RTN1: variants seen among roughly 807,000 people sequenced by gnomAD.
RTN1 encodes reticulon 1, also known as reticulon-1.
A neutral mutation model predicts 65.5 loss-of-function variants in RTN1; 25 were observed. The ratio of observed to expected loss-of-function variants is 0.38; its 90% CI spans 0.28 to 0.53. RTN1 has a LOEUF of 0.53. Among genes scored for constraint, RTN1 ranks in the 20% least tolerant of loss-of-function variants. RTN1 has a pLI of 0.79. For synonymous variants in RTN1, 471 were observed against 447.6 expected (o/e 1.05, Z -0.66); for missense variants, 983 against 1,025.4 (o/e 0.96, Z 0.57).
Position 59,840,434 on chromosome 14 carries a change from G to A in RTN1, c.241+29956C>T, listed in dbSNP as rs1043593114. Among the ~76,000 whole-genome samples the A allele has an allele frequency of 2.0e-5, 3 of 152,120 alleles. 1 individual carries two copies. Among genetic ancestry groups the A allele is most frequent in the African/African-American group, 2.4e-5 (1 of 41,440 alleles). ...TGACTAGCTCCTTCTTTTTTCAGTT[G>A]TGTGATCTTGGGCACAATCTTATAT... On this transcript the variant is annotated intron_variant, in intron 1 of 8. Coordinates refer to ENST00000267484, the MANE Select transcript of RTN1 (RefSeq NM_021136.3).
intron 3 of RTN1, among the ~76,000 whole-genome samples, chr14:59,659,910 T>C (rs564827865): frequency 6.6e-6 from 1 of 151,722 alleles, no homozygotes; most frequent in African/African-American, 2.4e-5. Context: ...TAAATGTAAA[T>C]GGGCTAAATG....
chr14:59,623,386 C>G (rs1197959083), intron 3 of RTN1, among the ~76,000 whole-genome samples: 13 of 152,314 alleles, frequency 8.5e-5, no homozygotes, highest in Non-Finnish European at 7.4e-5. Context: ...AGTGAAACAA[C>G]AGGTCCTGTG....
At chr14:59,843,813 G>A (rs1286750094) in intron 1 of RTN1, among the ~76,000 whole-genome samples, 4 of 152,146 alleles carry the variant, frequency 2.6e-5, no homozygotes, top group Non-Finnish European at 4.4e-5. Context: ...TTGGAGTTTT[G>A]TCACTAATGT....
chr14:59,729,155 C>A (rs1273844181), intron 2 of RTN1, among the ~76,000 whole-genome samples: 3 of 152,132 alleles, frequency 2.0e-5, no homozygotes, highest in Non-Finnish European at 4.4e-5. Context: ...GCACGTCATG[C>A]AGAGGAAAAC....
At position 59,794,039 on chromosome 14, in the gene RTN1, G is replaced by A. The variant is rs368036235; in HGVS notation, c.242-47558C>T. On this transcript the variant is annotated intron_variant, in intron 1 of 8. Coordinates refer to ENST00000267484, the MANE Select transcript of RTN1 (RefSeq NM_021136.3). This position sits in a 1 kb window ranked among gnomAD's most constrained non-coding sequence, Gnocchi z 5.1. ...TCCTCTCCCACTGAGTACCGGCCAT[G>A]AATCTTGAGTTAGACTGACCCTTCC... Among the ~76,000 whole-genome samples the A allele has an allele frequency of 2.6e-5, 4 of 152,138 alleles. No homozygotes were observed. In the South Asian group the frequency reaches 8.3e-4, roughly 32 times the overall value.
At chr14:59,863,970 T>C (rs1887754905) in intron 1 of RTN1, among the ~76,000 whole-genome samples, 1 of 152,190 alleles carries the variant, frequency 6.6e-6, no homozygotes, top group Non-Finnish European at 1.5e-5. Flanking sequence ...CCATGATTTC[T>C]TTCTCAGATT....
intron 1 of RTN1, among the ~76,000 whole-genome samples, chr14:59,752,403 C>T (rs1474840425): frequency 6.6e-6 from 1 of 152,048 alleles, no homozygotes; most frequent in Non-Finnish European, 1.5e-5. Context: ...TTCATGAGAG[C>T]TCTGCCCTTG....
chr14:59,626,591 C>T (rs949694502), intron 3 of RTN1, among the ~76,000 whole-genome samples: 1 of 152,202 alleles, frequency 6.6e-6, no homozygotes, highest in Non-Finnish European at 1.5e-5. Flanking sequence ...CCTAGTACAA[C>T]ACCATTCGGA....
chr14:59,610,605 C>T (rs1881917577), intron 3 of RTN1, among the ~76,000 whole-genome samples: 1 of 152,196 alleles, frequency 6.6e-6, no homozygotes, highest in South Asian at 2.1e-4. Flanking sequence ...TCCAAGCTGT[C>T]CTTGTTCATT....
At position 59,823,275 on chromosome 14, in the gene RTN1, CT is replaced by C. The variant is rs994311550; in HGVS notation, c.241+47114del. Reference sequence around the variant, plus strand: ...ATTATGTAATGTCCTTCCTTGTCCCCTTTTTTTTTTAAATCATCATTGGTTT... The same window carrying C: ...ATTATGTAATGTCCTTCCTTGTCCCCTTTTTTTTTAAATCATCATTGGTTT... On this transcript the variant is annotated intron_variant, in intron 1 of 8. Coordinates refer to ENST00000267484, the MANE Select transcript of RTN1 (RefSeq NM_021136.3). Among the ~76,000 whole-genome samples the C allele has an allele frequency of 3.2e-4, 48 of 148,556 alleles. No individual in the cohort carries two copies. The East Asian group carries it at 6.1e-3, about 19-fold the overall frequency.
At chr14:59,781,353 G>A (rs1886152246) in intron 1 of RTN1, among the ~76,000 whole-genome samples, 1 of 151,988 alleles carries the variant, frequency 6.6e-6, no homozygotes, top group African/African-American at 2.4e-5. Flanking sequence ...GTCATTGACT[G>A]TTTATGTTCC....
chr14:59,748,191 G>T (rs997777113), intron 1 of RTN1, among the ~76,000 whole-genome samples: 2 of 144,880 alleles, frequency 1.4e-5, no homozygotes, highest in Admixed American at 7.1e-5. Flanking sequence ...GCTTTGCCCC[G>T]ATTAAGTCAG....
At chr14:59,820,023 A>T (rs1363642118) in intron 1 of RTN1, among the ~76,000 whole-genome samples, 1 of 152,250 alleles carries the variant, frequency 6.6e-6, no homozygotes, top group South Asian at 2.1e-4. Flanking sequence ...GGGCTACTCA[A>T]GCATGGCCAG....
chr14:59,870,351 TC>T lies in RTN1; in HGVS notation c.241+38del. On this transcript the variant is annotated intron_variant, in intron 1 of 8. Transcript: ENST00000267484. The surrounding 1 kb of genome is among the most constrained non-coding windows in gnomAD (Gnocchi z 5.1). ...AAGGGGACTGACTGGGGGGCCCTGG[TC>T]CCCGACGCCATTTGAGGGGCAGCGG... The T allele has an allele frequency of 6.9e-7, 1 of 1,455,802 alleles. No individual in the cohort carries two copies. The allele number at this position is 1,455,802 out of a possible 1,614,324, so 90.2% of individuals were successfully genotyped here.
chr14:59,596,880 A>G, intron 8 of RTN1, 93 bp from the exon 9 acceptor site: 3 of 926,754 alleles, frequency 3.2e-6, no homozygotes, highest in Non-Finnish European at 5.4e-6. Flanking sequence ...GTGACCAAAG[A>G]ACTTAATATT....
rs1298344943 is a variant in RTN1 at position 59,746,457 on chromosome 14, A to C, written c.266T>G (p.Met89Arg). The C allele has an allele frequency of 1.9e-6, 3 of 1,598,214 alleles. No homozygotes were observed. Among genetic ancestry groups the C allele is most frequent in the South Asian group, 2.3e-5 (2 of 87,558 alleles). ...TGATGTTGTTGAGAAGGTGTGGTCCATGGCACTGGAAACACCTGCCACACC... is the reference window on the plus strand; with the variant it reads ...TGATGTTGTTGAGAAGGTGTGGTCCCTGGCACTGGAAACACCTGCCACACC... The part of the protein sequence containing the change: ...STGVAGVSSA[M>R]DHTFSTTSKD... Residue 89 changes from methionine (M) to arginine (R), a missense_variant, in exon 2 of 9, where the codon ATG (methionine) becomes AGG (arginine). Met to Arg is a moderately conservative substitution (Grantham distance 91). Around this residue, in one of 2 missense-constraint regions of RTN1, gnomAD observed 818 missense variants for 801.8 expected, o/e 1.02. Transcript: ENST00000267484.
chr14:59,606,118 AT>A, intron 4 of RTN1: 1 of 83,462 alleles, frequency 1.2e-5, no homozygotes, highest in African/African-American at 4.8e-5. Context: ...ATATATATAT[AT>A]ATATATATCA....
chr14:59,779,554 G>C (rs1250123312), intron 1 of RTN1, among the ~76,000 whole-genome samples: 2 of 151,772 alleles, frequency 1.3e-5, no homozygotes, highest in African/African-American at 4.8e-5. Context: ...CAGCAAAGGG[G>C]ACAAGAGTCC....
chr14:59,740,802 T>C (rs558199654), intron 2 of RTN1, among the ~76,000 whole-genome samples: 2 of 152,348 alleles, frequency 1.3e-5, no homozygotes, highest in Non-Finnish European at 2.9e-5. Flanking sequence ...GAAGTTTCCA[T>C]ATCTTTGCTT....
Sources: allele counts gnomAD v4.1 joint callset (sites outside exome capture counted in the v4.1 genomes callset), GRCh38; gene constraint gnomAD v4.1.1; regional missense constraint gnomAD v4.1.1; non-coding constraint Gnocchi (gnomAD v3.1); transcripts MANE v1.5; gene names NCBI Gene and HGNC (gene_info 2026-07-23, HGNC 2026-07-21).